Variants in ACVR1C observed in about 807,000 individuals in gnomAD.
ACVR1C encodes activin receptor type-1C.
A neutral mutation model predicts 57.9 loss-of-function variants in ACVR1C; 23 were observed. The observed-to-expected ratio is 0.40, with a 90% confidence interval of 0.29 to 0.56. ACVR1C has a LOEUF of 0.56. ACVR1C is among the 20% of genes least tolerant of loss of function. The pLI, the probability that ACVR1C is intolerant of heterozygous loss-of-function variation, is 0.50. For missense variants in ACVR1C, 480 were observed against 607.9 expected, an observed-to-expected ratio of 0.79 and a Z score of 2.21; for synonymous variants, 214 against 215.3, an observed-to-expected ratio of 0.99 and a Z score of 0.05.
At position 157,587,319 on chromosome 2, in the gene ACVR1C, G is replaced by A. The variant is rs1212670725; in HGVS notation, c.172C>T (p.Gln58Ter). 9 of 1,613,664 alleles carry A rather than the reference G, an allele frequency of 5.6e-6. No individual in the cohort carries two copies. ...AGGGAGACACAGGATTTGATCACCT[G>A]CTCTTTTCCATTGGTTAGCATGACT... is the stretch of plus-strand genomic sequence containing the variant. ...ASVMLTNGKE[Q>*]VIKSCVSLPE... The change falls in exon 2 of 9, where the codon CAG becomes TAG. Residue 58 changes from glutamine to a stop codon, truncating the protein, a stop_gained. Transcript: ENST00000243349. LOFTEE classifies it high-confidence loss of function.
intron 2 of ACVR1C, among the ~76,000 whole-genome samples, chr2:157,562,227 A>G (rs1688249270): frequency 6.6e-6 from 1 of 151,170 alleles, no homozygotes; most frequent in African/African-American, 2.4e-5. Flanking sequence ...CCCAGTAGGT[A>G]GAGGTGGCAG....
chr2:157,562,696 G>C (rs1271332525), intron 2 of ACVR1C, among the ~76,000 whole-genome samples: 2 of 151,926 alleles, frequency 1.3e-5, no homozygotes, highest in African/African-American at 4.8e-5. Context: ...CAATATCCCT[G>C]ATGAACATCA....
At position 157,528,489 on chromosome 2, in the gene ACVR1C, AC is replaced by A. The variant is rs1347927706; in HGVS notation, c.*5428del. The A allele has an allele frequency of 1.3e-5, 2 of 152,178 alleles. No homozygotes were observed. Among genetic ancestry groups the A allele is most frequent in the African/African-American group, 4.8e-5 (2 of 41,456 alleles). 9.4% of individuals were successfully genotyped at this position (152,178 alleles called of 1,614,324 possible). A position where few individuals can be genotyped will look rare whatever the true frequency, so the allele number is the denominator to read the frequency against. ...ATTCTCTCGAATGTATTCATCTACA[AC>A]TGAAAGAGAAAAGTATGCTGGCAGT... On this transcript the variant is annotated 3_prime_UTR_variant, in exon 9 of 9. Coordinates refer to ENST00000243349, the MANE Select transcript of ACVR1C (RefSeq NM_145259.3).
rs1166673398 is a variant in ACVR1C at position 157,576,835 on chromosome 2, CTTTTTTTTTTTTTT to C, written c.304+10338_304+10351del. 4.8e-5 allele frequency among the ~76,000 whole-genome samples: 2 copies of C among 41,722 alleles called. 1 individual carries two copies. Among genetic ancestry groups the C allele is most frequent in the Non-Finnish European group, 8.9e-5 (2 of 22,352 alleles). 27.4% of individuals were successfully genotyped at this position (41,722 alleles called of 152,430 possible). The stretch of plus-strand genomic sequence containing the variant: ...AGAGCCTTTTGGGCTTTGAAATTTT[CTTTTTTTTTTTTTT>C]TTTTTTTTTTTTTTTTGAGACGGAG... On this transcript the variant is annotated intron_variant, in intron 2 of 8. Coordinates refer to ENST00000243349, the MANE Select transcript of ACVR1C (RefSeq NM_145259.3).
intron 1 of ACVR1C, among the ~76,000 whole-genome samples, chr2:157,618,966 T>G (rs1027073020): frequency 1.3e-5 from 2 of 151,770 alleles, no homozygotes; most frequent in Non-Finnish European, 3.0e-5. Flanking sequence ...ATGTCAACAA[T>G]CCTTTCTCAA....
Position 157,533,850 on chromosome 2 carries a change from A to G in ACVR1C, c.*68T>C. 1 of 1,431,648 alleles carries G rather than the reference A, an allele frequency of 7.0e-7. No individual in the cohort carries two copies. The highest frequency in any genetic ancestry group is 9.2e-7 in the Non-Finnish European group (1 of 1,089,688). The allele number at this position is 1,431,648 out of a possible 1,614,324, so 88.7% of individuals were successfully genotyped here. On this transcript the variant is annotated 3_prime_UTR_variant, in exon 9 of 9. Coordinates refer to ENST00000243349, the MANE Select transcript of ACVR1C (RefSeq NM_145259.3). ...GTAGAACAAAAAAAAAATGGCAAAA[A>G]CATTCACATAAAGGGGAAAATGGAA...
At chr2:157,610,514 A>T (rs1014803879) in intron 1 of ACVR1C, among the ~76,000 whole-genome samples, 8 of 152,174 alleles carry the variant, frequency 5.3e-5, no homozygotes, top group Non-Finnish European at 1.2e-4. Flanking sequence ...ATGTACCATG[A>T]AGAAGACATT....
chr2:157,541,550 G>C (rs1004942067), intron 6 of ACVR1C, among the ~76,000 whole-genome samples: 2 of 152,196 alleles, frequency 1.3e-5, no homozygotes, highest in African/African-American at 4.8e-5. Flanking sequence ...ATACTGAAGT[G>C]AGGATGCAAC....
intron 8 of ACVR1C, among the ~76,000 whole-genome samples, chr2:157,534,792 G>A (rs1263922175): frequency 6.6e-6 from 1 of 152,130 alleles, no homozygotes; most frequent in East Asian, 1.9e-4. Flanking sequence ...CTACTCTCAT[G>A]GTCTAGAACT....
Position 157,530,687 on chromosome 2 carries a change from T to C in ACVR1C, c.*3231A>G, listed in dbSNP as rs1179307688. 6.6e-6 allele frequency: 1 copy of C among 152,108 alleles called. No homozygotes were observed. The highest frequency in any genetic ancestry group is 1.9e-4 in the East Asian group (1 of 5,202). The allele number at this position is 152,108 out of a possible 1,614,324, so 9.4% of individuals were successfully genotyped here. A position where few individuals can be genotyped will look rare whatever the true frequency, so the allele number is the denominator to read the frequency against. On this transcript the variant is annotated 3_prime_UTR_variant, in exon 9 of 9. Coordinates refer to ENST00000243349, the MANE Select transcript of ACVR1C (RefSeq NM_145259.3). ...TTTAAAATGCAAAGTTAATTGAAAG[T>C]ATAAAGATGAAAAGCAAGTGCTATG...
intron 2 of ACVR1C, among the ~76,000 whole-genome samples, chr2:157,580,320 C>G (rs1020371210): frequency 6.6e-6 from 1 of 152,054 alleles, no homozygotes. Flanking sequence ...AAGAACAGTT[C>G]CATACTATAA....
At position 157,584,509 on chromosome 2, in the gene ACVR1C, T is replaced by C. The variant is rs79367312; in HGVS notation, c.304+2678A>G. Reference sequence around the variant, plus strand: ...AAAAATAATTTAACATTATTAATTATTGGGAAATGCAAATTAAAACCACAA... The same window carrying C: ...AAAAATAATTTAACATTATTAATTACTGGGAAATGCAAATTAAAACCACAA... On this transcript the variant is annotated intron_variant, in intron 2 of 8. Transcript: ENST00000243349. 1.6e-3 allele frequency among the ~76,000 whole-genome samples: 246 copies of C among 152,312 alleles called. 1 individual carries two copies. The highest frequency in any genetic ancestry group is 5.8e-3 in the African/African-American group (240 of 41,590).
Position 157,555,101 on chromosome 2 carries a change from C to CTTT in ACVR1C, c.544+989_544+991dup, listed in dbSNP as rs60269781. On this transcript the variant is annotated intron_variant, in intron 3 of 8. Transcript: ENST00000243349. ...ATAATACAGCCTGGTACTTTGAACG[C>CTTT]TTTTTTTTTTTTTTTTTTTTTTTTT... Among the ~76,000 whole-genome samples, 29 of 83,948 alleles carry CTTT rather than the reference C, an allele frequency of 3.5e-4. 4 individuals carry two copies. Among genetic ancestry groups the CTTT allele is most frequent in the African/African-American group, 8.3e-4 (14 of 16,854 alleles). 55.1% of individuals were successfully genotyped at this position (83,948 alleles called of 152,430 possible). A position where few individuals can be genotyped will look rare whatever the true frequency, so the allele number is the denominator to read the frequency against.
intron 1 of ACVR1C, among the ~76,000 whole-genome samples, chr2:157,615,143 TA>T (rs1682613838): frequency 6.6e-6 from 1 of 152,134 alleles, no homozygotes; most frequent in African/African-American, 2.4e-5. Flanking sequence ...ATTAGCTTAT[TA>T]TTTTTACCAT....
chr2:157,564,674 T>C (rs963885720), intron 2 of ACVR1C, among the ~76,000 whole-genome samples: 1 of 152,192 alleles, frequency 6.6e-6, no homozygotes, highest in Non-Finnish European at 1.5e-5. Flanking sequence ...AATACAGCAC[T>C]ATTTACAATA....
At chr2:157,535,445 T>G (rs1032563064) in intron 8 of ACVR1C, among the ~76,000 whole-genome samples, 4 of 152,066 alleles carry the variant, frequency 2.6e-5, no homozygotes, top group Non-Finnish European at 5.9e-5. Context: ...AAATATATTT[T>G]TAAAAGGAAA....
At chr2:157,579,327 A>G (rs1354171307) in intron 2 of ACVR1C, among the ~76,000 whole-genome samples, 4 of 152,114 alleles carry the variant, frequency 2.6e-5, no homozygotes, top group Non-Finnish European at 5.9e-5. Context: ...TGTATTCTCT[A>G]TATACTGCAT....
At chr2:157,584,548 C>CA (rs1226067289) in intron 2 of ACVR1C, among the ~76,000 whole-genome samples, 2 of 152,090 alleles carry the variant, frequency 1.3e-5, no homozygotes, top group Non-Finnish European at 2.9e-5. Flanking sequence ...AATACCAATA[C>CA]AAAAACCACT....
chr2:157,562,354 G>C (rs1467135674), intron 2 of ACVR1C, among the ~76,000 whole-genome samples: 1 of 145,798 alleles, frequency 6.9e-6, no homozygotes, highest in Non-Finnish European at 1.5e-5. Flanking sequence ...AAAACTTTAA[G>C]ATTGGGTGAG....
Sources: gnomAD v4.1 joint callset for allele counts (sites outside exome capture counted in the v4.1 genomes callset) on GRCh38, gnomAD v4.1.1 for gene constraint, MANE v1.5 for transcripts, NCBI Gene and HGNC (gene_info 2026-07-23, HGNC 2026-07-21) for gene names.